Variants in SLC24A3 observed in about 807,000 individuals in gnomAD.
SLC24A3 encodes the protein solute carrier family 24 member 3.
SLC24A3 carries 28 observed loss-of-function variants against 75.8 expected under a neutral mutation model. The ratio of observed to expected loss-of-function variants is 0.37; its 90% CI spans 0.27 to 0.51. The LOEUF (loss-of-function observed/expected upper bound fraction) is 0.51, where lower values mean the gene tolerates loss of function less well. SLC24A3 is among the 20% of genes least tolerant of loss of function. SLC24A3 has a pLI of 0.94. For synonymous variants in SLC24A3, 372 were observed against 334.1 expected, an observed-to-expected ratio of 1.11 and a Z score of -1.24; for missense variants, 663 against 847.8, an observed-to-expected ratio of 0.78 and a Z score of 2.71.
intron 2 of SLC24A3, among the ~76,000 whole-genome samples, chr20:19,433,191 A>G (rs185722882): frequency 3.3e-5 from 5 of 152,258 alleles, no homozygotes; most frequent in African/African-American, 1.2e-4. Flanking sequence ...GGGCAGTATC[A>G]CCCTGTTACT....
chr20:19,217,414 C>T (rs1981591533), intron 1 of SLC24A3, among the ~76,000 whole-genome samples: 1 of 152,126 alleles, frequency 6.6e-6, no homozygotes, highest in South Asian at 2.1e-4. Flanking sequence ...GCCACATATG[C>T]ATACATACAA....
intron 3 of SLC24A3, among the ~76,000 whole-genome samples, chr20:19,546,139 ACAGAGCGAGACTCCGTCT>A (rs1360518256): frequency 1.6e-5 from 2 of 126,204 alleles, no homozygotes; most frequent in African/African-American, 5.9e-5. Context: ...AGCCTGGGCG[ACAGAGCGAGACTCCGTCT>A]CAAAAAAAAA....
intron 2 of SLC24A3, among the ~76,000 whole-genome samples, chr20:19,497,591 C>T: frequency 6.6e-6 from 1 of 151,564 alleles, no homozygotes; most frequent in East Asian, 1.9e-4. Flanking sequence ...CCCCTTTGAG[C>T]CTGGGGAGAA....
intron 3 of SLC24A3, among the ~76,000 whole-genome samples, chr20:19,520,783 T>A (rs950632310): frequency 6.6e-6 from 1 of 152,164 alleles, no homozygotes; most frequent in Non-Finnish European, 1.5e-5. Flanking sequence ...CCCAGGGAAT[T>A]TTATCTGGTC....
At chr20:19,262,388 G>A (rs1163614987) in intron 1 of SLC24A3, among the ~76,000 whole-genome samples, 2 of 124,654 alleles carry the variant, frequency 1.6e-5, no homozygotes, top group Non-Finnish European at 3.2e-5. Context: ...CTGGGCGACA[G>A]AGCGAGACTC....
intron 3 of SLC24A3, among the ~76,000 whole-genome samples, chr20:19,532,022 G>A (rs1232030253): frequency 6.6e-6 from 1 of 152,220 alleles, no homozygotes; most frequent in African/African-American, 2.4e-5. Flanking sequence ...TGGAACTGGG[G>A]GTTGACTCCA....
At chr20:19,484,915 A>G (rs1988108021) in intron 2 of SLC24A3, among the ~76,000 whole-genome samples, 1 of 152,180 alleles carries the variant, frequency 6.6e-6, no homozygotes, top group African/African-American at 2.4e-5. Flanking sequence ...CAGGAGACTG[A>G]AAGATACTCA....
chr20:19,280,268 G>A (rs1011241823), intron 1 of SLC24A3, among the ~76,000 whole-genome samples: 5 of 152,162 alleles, frequency 3.3e-5, no homozygotes, highest in Non-Finnish European at 5.9e-5. Flanking sequence ...CTGTTTCCTA[G>A]TTCGTGCCTT....
At chr20:19,700,373 A>T (rs1370806011) in intron 15 of SLC24A3, among the ~76,000 whole-genome samples, 1 of 152,214 alleles carries the variant, frequency 6.6e-6, no homozygotes. Context: ...AGAGAAGGCA[A>T]GGGCATGGAA....
chr20:19,623,531 T>C (rs970086605), intron 6 of SLC24A3, among the ~76,000 whole-genome samples: 4 of 152,192 alleles, frequency 2.6e-5, no homozygotes, highest in Non-Finnish European at 5.9e-5. Context: ...AATTCTGCTG[T>C]CCAGAATGGT....
intron 1 of SLC24A3, among the ~76,000 whole-genome samples, chr20:19,258,065 A>G (rs1982868760): frequency 6.6e-6 from 1 of 152,244 alleles, no homozygotes; most frequent in Non-Finnish European, 1.5e-5. Flanking sequence ...TGTTTTCTGC[A>G]GCACCTGCAC....
chr20:19,536,435 G>A (rs893927059), intron 3 of SLC24A3, among the ~76,000 whole-genome samples: 12 of 151,882 alleles, frequency 7.9e-5, no homozygotes, highest in African/African-American at 2.9e-4. Context: ...AAAAAGTGGG[G>A]GTAGGCCATA....
At chr20:19,665,495 C>G (rs1324088367) in intron 7 of SLC24A3, among the ~76,000 whole-genome samples, 1 of 152,200 alleles carries the variant, frequency 6.6e-6, no homozygotes, top group Non-Finnish European at 1.5e-5. Flanking sequence ...TGCTGAGCTC[C>G]TACATCCCCT....
At chr20:19,581,401 G>T (rs558878901) in intron 4 of SLC24A3, among the ~76,000 whole-genome samples, 2 of 152,298 alleles carry the variant, frequency 1.3e-5, no homozygotes, top group African/African-American at 4.8e-5. Flanking sequence ...GGAAATGTCA[G>T]TACAGTTGTC....
chr20:19,620,037 T>G (rs1329476596), intron 6 of SLC24A3, among the ~76,000 whole-genome samples: 1 of 152,050 alleles, frequency 6.6e-6, no homozygotes, highest in Non-Finnish European at 1.5e-5. Flanking sequence ...CCAACCCTCT[T>G]TTGCATTTTC....
intron 3 of SLC24A3, among the ~76,000 whole-genome samples, chr20:19,517,613 C>G (rs758001481): frequency 1.4e-4 from 21 of 152,236 alleles, no homozygotes; most frequent in Non-Finnish European, 2.2e-4. Context: ...CTGTTAGCCC[C>G]TGCCCTGGGC....
At chr20:19,600,419 A>G (rs1477571939) in intron 6 of SLC24A3, among the ~76,000 whole-genome samples, 1 of 152,326 alleles carries the variant, frequency 6.6e-6, no homozygotes, top group East Asian at 1.9e-4. Flanking sequence ...ATCATGATCA[A>G]ATATATCTCC....
intron 2 of SLC24A3, among the ~76,000 whole-genome samples, chr20:19,508,202 C>G (rs1004873441): frequency 6.6e-6 from 1 of 152,182 alleles, no homozygotes; most frequent in South Asian, 2.1e-4. Flanking sequence ...GATGAAAGCA[C>G]GTGAAACAGA....
At position 19,702,860 on chromosome 20, in the gene SLC24A3, T is replaced by A. The variant is rs115493830; in HGVS notation, c.1719+4180T>A. Among the ~76,000 whole-genome samples, 759 of 152,274 alleles carry A rather than the reference T, an allele frequency of 5.0e-3. 8 individuals carry two copies. Among genetic ancestry groups the A allele is most frequent in the African/African-American group, 0.018 (733 of 41,558 alleles). On this transcript the variant is annotated intron_variant, in intron 15 of 16. Transcript: ENST00000328041. ...GAGATTTCATTTTGAGCTTTAAAAA[T>A]TCAATGGAAAAATTTCTGGTTAGCT...
Sources: gnomAD v4.1 joint callset for allele counts (sites outside exome capture counted in the v4.1 genomes callset) on GRCh38, gnomAD v4.1.1 for gene constraint, MANE v1.5 for transcripts, NCBI Gene and HGNC (gene_info 2026-07-23, HGNC 2026-07-21) for gene names.